The following NISCH variants were observed in gnomAD, a reference collection of about 807,000 sequenced individuals.
The protein encoded by NISCH is nischarin.
In NISCH, 55 loss-of-function variants were observed where a neutral mutation model predicts 138.4. That is an observed-to-expected ratio of 0.40 (90% confidence interval 0.32 to 0.50). The LOEUF (loss-of-function observed/expected upper bound fraction) is 0.50. Ranked by LOEUF, NISCH falls within the 20% of genes least tolerant of loss-of-function variation. The pLI is 0.71. For synonymous variants in NISCH, 860 were observed against 861.5 expected (o/e 1.00, Z 0.03); for missense variants, 1,643 against 2,005.5 (o/e 0.82, Z 3.45).
At chr3:52,467,014 T>TTG (rs1706800068) in intron 3 of NISCH, among the ~76,000 whole-genome samples, 1 of 149,568 alleles carries the variant, frequency 6.7e-6, no homozygotes, top group Non-Finnish European at 1.5e-5. Flanking sequence ...TTTTTTTTTT[T>TTG]TTTGAGACAG....
intron 3 of NISCH, among the ~76,000 whole-genome samples, chr3:52,467,672 A>C (rs1706826498): frequency 6.6e-6 from 1 of 152,226 alleles, no homozygotes; most frequent in South Asian, 2.1e-4. Context: ...GATTCCTTAG[A>C]AGTGAAAGCT....
chr3:52,491,452 C>G lies in NISCH; in HGVS notation c.3843C>G (p.Arg1281=), dbSNP rs778281834. ...HLMVVLSSLE[R]TPSPEPVDKD... is the part of the protein sequence containing the mutation. ...TGGTCGTGCTGTCCTCTCTGGAACG[C>G]ACGCCCTCGCCGGAGCCTGTTGACA... Residue 1281 remains arginine, a synonymous_variant, in exon 20 of 21, where the codon CGC becomes CGG. Coordinates refer to ENST00000345716, the MANE Select transcript of NISCH (RefSeq NM_007184.4). The G allele has an allele frequency of 1.9e-5, 31 of 1,613,420 alleles. No individual in the cohort carries two copies. Among genetic ancestry groups the G allele is most frequent in the Non-Finnish European group, 2.5e-5 (29 of 1,180,006 alleles).
chr3:52,490,295 T>C, intron 18 of NISCH, 64 bp downstream of exon 18: 2 of 1,563,864 alleles, frequency 1.3e-6, no homozygotes, highest in Non-Finnish European at 1.7e-6. Flanking sequence ...GCCTGGGGGG[T>C]CATTCTCTGG....
chr3:52,478,102 G>C lies in NISCH; in HGVS notation c.993G>C (p.Leu331=). ...TGTTCTCCACGCCGCTGCAGCACCT[G>C]TATAACCTTGTGCATCTGGACCTGT... ...GLLVVDNLQH[L]YNLVHLDLSY... Residue 331 remains leucine (L), a synonymous_variant, in exon 10 of 21, where the codon CTG becomes CTC. Transcript: ENST00000345716. 1.2e-6 allele frequency: 2 copies of C among 1,613,798 alleles called. No homozygotes were observed. The highest frequency in any genetic ancestry group is 1.7e-6 in the Non-Finnish European group (2 of 1,179,926).
At chr3:52,476,800 G>A (rs1248527541) in intron 8 of NISCH, among the ~76,000 whole-genome samples, 1 of 152,146 alleles carries the variant, frequency 6.6e-6, no homozygotes. Context: ...TTGGGAGGCC[G>A]AGGCGGGAGG....
intron 4 of NISCH, chr3:52,471,148 C>T: frequency 1.8e-6 from 1 of 561,140 alleles, no homozygotes; most frequent in Non-Finnish European, 3.2e-6. Context: ...ACACTGCTCC[C>T]TCGCACCTGG....
chr3:52,485,794 TA>T lies in NISCH; in HGVS notation c.1672del (p.Arg558GlyfsTer49). 6.3e-7 allele frequency: 1 copy of T among 1,583,930 alleles called. No individual in the cohort carries two copies. Among genetic ancestry groups the T allele is most frequent in the Admixed American group, 1.8e-5 (1 of 56,268 alleles). ...IPAGQAASDDLRDVPGAVGGA... is the reference protein window; with the variant it reads ...IPAGQAASDDXRDVPGAVGGA... ...CTCCATCAGGCAGCTTCCGATGATT[TA>T]AGGGACGTGCCAGGAGCTGTTGGTG... On this transcript the variant is annotated frameshift_variant, in exon 15 of 21. Coordinates refer to ENST00000345716, the MANE Select transcript of NISCH (RefSeq NM_007184.4). LOFTEE classifies it high-confidence loss of function.
intron 7 of NISCH, 122 bp downstream of exon 7, chr3:52,473,951 T>C (rs548573376): frequency 1.4e-5 from 8 of 551,916 alleles, no homozygotes; most frequent in African/African-American, 1.1e-4. Context: ...AGGCTGGACC[T>C]TCTGTGGGGT....
intron 11 of NISCH, among the ~76,000 whole-genome samples, chr3:52,479,391 T>C (rs1346198991): frequency 1.3e-5 from 2 of 152,082 alleles, no homozygotes; most frequent in Non-Finnish European, 2.9e-5. Context: ...CACCTCTAAC[T>C]GGGGGCTTAG....
chr3:52,489,339 T>G lies in NISCH; in HGVS notation c.3117T>G (p.Asn1039Lys). The G allele has an allele frequency of 6.2e-7, 1 of 1,611,434 alleles. No individual in the cohort carries two copies. The highest frequency in any genetic ancestry group is 8.5e-7 in the Non-Finnish European group (1 of 1,179,140). The change falls in exon 17 of 21, where the codon AAT (asparagine) becomes AAG (lysine). Residue 1039 changes from asparagine to lysine, a missense_variant. By Grantham distance (94) the Asn-to-Lys change is moderately conservative (BLOSUM62 0). Coordinates refer to ENST00000345716, the MANE Select transcript of NISCH (RefSeq NM_007184.4). ...TGGTGTTTTTCGGGGGATACAGCAA[T>G]GACCAGCGTCCCCAGGAGGTCCCAG... ...DGQPAERRAS[N>K]DQRPQEVPAE...
intron 3 of NISCH, among the ~76,000 whole-genome samples, chr3:52,469,961 A>G (rs983897035): frequency 8.6e-5 from 13 of 151,758 alleles, no homozygotes; most frequent in South Asian, 4.2e-4. Context: ...ATGCACACCT[A>G]TAGTCCCAGC....
At chr3:52,477,298 A>T (rs1707125413) in intron 8 of NISCH, among the ~76,000 whole-genome samples, 1 of 151,860 alleles carries the variant, frequency 6.6e-6, no homozygotes, top group Admixed American at 6.6e-5. Context: ...AGAAGAACAG[A>T]CTCTCTTCTC....
chr3:52,470,260 G>C (rs1378388453), intron 3 of NISCH, among the ~76,000 whole-genome samples: 1 of 152,138 alleles, frequency 6.6e-6, no homozygotes, highest in East Asian at 1.9e-4. Flanking sequence ...CATTTAAAAA[G>C]GAAATCCTTC....
Position 52,455,638 on chromosome 3 carries a change from G to T in NISCH, c.-4G>T, listed in dbSNP as rs546891904. ...CGGGCGGCGGTGGCGGCGGAGACCC[G>T]AACATGGCGACCGCGCGCACCTTCG... On this transcript the variant is annotated 5_prime_UTR_variant, in exon 1 of 21. Coordinates refer to ENST00000345716, the MANE Select transcript of NISCH (RefSeq NM_007184.4). 537 of 1,334,918 alleles carry T rather than the reference G, an allele frequency of 4.0e-4. No homozygotes were observed. Among genetic ancestry groups the T allele is most frequent in the Non-Finnish European group, 4.7e-4 (490 of 1,035,150 alleles). 82.7% of individuals were successfully genotyped at this position (1,334,918 alleles called of 1,614,324 possible). A position where few individuals can be genotyped will look rare whatever the true frequency, so the allele number is the denominator to read the frequency against.
chr3:52,484,462 T>TCCCCCCC, intron 13 of NISCH, 51 bp from the exon 14 acceptor site: 2 of 788,670 alleles, frequency 2.5e-6, no homozygotes, highest in South Asian at 2.1e-5. Context: ...ACAGCCGCTC[T>TCCCCCCC]CCCCGCCCCA....
chr3:52,489,612 G>C lies in NISCH; in HGVS notation c.3390G>C (p.Ser1130=), dbSNP rs374595197. The change falls in exon 17 of 21, where the codon TCG becomes TCC. Residue 1130 remains serine (S), a synonymous_variant. Transcript: ENST00000345716. ...QIPSHLPACP[S]LRHVASLRGS... is the part of the protein sequence containing the mutation. ...CCTCGCACTTGCCTGCCTGCCCGTC[G>C]CTCCGGCACGTCGCCAGCCTGCGGG... 6.2e-7 allele frequency: 1 copy of C among 1,613,064 alleles called. No individual in the cohort carries two copies. The highest frequency in any genetic ancestry group is 1.7e-5 in the Admixed American group (1 of 60,032).
chr3:52,471,718 T>G, intron 4 of NISCH, 96 bp from the exon 5 acceptor site: 2 of 1,446,674 alleles, frequency 1.4e-6, no homozygotes, highest in Non-Finnish European at 1.9e-6. Context: ...AGTGGGTGCT[T>G]GCCAACTGCT....
intron 13 of NISCH, chr3:52,481,021 T>G: frequency 7.2e-7 from 1 of 1,385,918 alleles, no homozygotes; most frequent in Non-Finnish European, 9.3e-7. Flanking sequence ...CCCGGGCTCC[T>G]GGAGACGCAG....
rs777797052 is a variant in NISCH at position 52,490,223 on chromosome 3, C to T, written c.3605C>T (p.Pro1202Leu). The T allele has an allele frequency of 1.2e-6, 2 of 1,612,612 alleles. No homozygotes were observed. The highest frequency in any genetic ancestry group is 8.5e-7 in the Non-Finnish European group (1 of 1,179,980). The change falls in exon 18 of 21, where the codon CCA becomes CTA. Residue 1202 changes from proline to leucine, a missense_variant. Physicochemically the swap from Pro to Leu is moderately conservative, Grantham distance 98. Transcript: ENST00000345716. ...GGCCTCCGCCGCTACTTCTCAGAGC[C>T]ACTGCAGGGTAGGCACAGGGCCTGC... ...HDGLRRYFSE[P>L]LQDFWHQKNT... is the part of the protein sequence containing the mutation.
Sources: gnomAD v4.1 joint callset for allele counts (sites outside exome capture counted in the v4.1 genomes callset) on GRCh38, gnomAD v4.1.1 for gene constraint, MANE v1.5 for transcripts, NCBI Gene and HGNC (gene_info 2026-07-23, HGNC 2026-07-21) for gene names.